TEX14: variants seen among roughly 807,000 people sequenced by gnomAD.
TEX14 encodes the protein testis expressed 14, intercellular bridge forming factor.
TEX14 carries 168 observed loss-of-function variants against 178.6 expected under a neutral mutation model. The observed-to-expected ratio is 0.94, with a 90% confidence interval of 0.83 to 1.07. The LOEUF (loss-of-function observed/expected upper bound fraction) is 1.07, where lower values mean the gene tolerates loss of function less well. Among genes scored for constraint, TEX14 ranks in the 50% least tolerant of loss-of-function variants. The pLI is 0.00. For missense variants in TEX14, 1,730 were observed against 1,753.6 expected (o/e 0.99, Z 0.24); for synonymous variants, 626 against 634.1 (o/e 0.99, Z 0.19).
intron 4 of TEX14, among the ~76,000 whole-genome samples, chr17:58,622,019 C>G (rs563300006): frequency 6.6e-6 from 1 of 152,176 alleles, no homozygotes; most frequent in Admixed American, 6.5e-5. Context: ...AAGGCCAAGA[C>G]GAGTAAAATT....
chr17:58,599,278 A>G lies in TEX14; in HGVS notation c.2067T>C (p.Ser689=), dbSNP rs2144469882. The change falls in exon 14 of 32, where the codon TCT becomes TCC. Residue 689 remains serine, a synonymous_variant. Coordinates refer to ENST00000349033, the MANE Select transcript of TEX14 (RefSeq NM_031272.5). ...CGTTTTGCCAGTCCCAGTCATCAAA[A>G]GAGTACTCTGTCTCAGCTTTTGAAG... ...ESSSKAETEY[S]FDDWDWQNGS... 1.9e-6 allele frequency: 3 copies of G among 1,613,438 alleles called. No individual in the cohort carries two copies. In the East Asian group the frequency reaches 6.7e-5, roughly 36 times the overall value.
rs572194773 is a variant in TEX14 at position 58,649,019 on chromosome 17, C to T, written c.136+2847G>A. ...GTCTCGATCTCCTGACCTCGTGATC[C>T]GCTCGCCTCGGTCTCCCAAAGTGCT... On this transcript the variant is annotated intron_variant, in intron 2 of 31. Coordinates refer to ENST00000349033, the MANE Select transcript of TEX14 (RefSeq NM_031272.5). Among the ~76,000 whole-genome samples, 60 of 150,796 alleles carry T rather than the reference C, an allele frequency of 4.0e-4. No homozygotes were observed. In the South Asian group the frequency reaches 0.012, roughly 30 times the overall value.
At chr17:58,559,640 C>CAAA in intron 29 of TEX14, 78 bp from the exon 30 acceptor site, 1 of 702,070 alleles carries the variant, frequency 1.4e-6, no homozygotes. Flanking sequence ...AAACAAAAAA[C>CAAA]AAACAACAAC....
chr17:58,601,858 T>C lies in TEX14; in HGVS notation c.1626A>G (p.Ser542=). 11 of 1,613,522 alleles carry C rather than the reference T, an allele frequency of 6.8e-6. No individual in the cohort carries two copies. Among genetic ancestry groups the C allele is most frequent in the Non-Finnish European group, 9.3e-6 (11 of 1,180,006 alleles). The change falls in exon 13 of 32, where the codon TCA becomes TCG. Residue 542 remains serine, a synonymous_variant. Coordinates refer to ENST00000349033, the MANE Select transcript of TEX14 (RefSeq NM_031272.5). ...PDVNVYLGLT[S]EHPRETPDME... ...TGTCAGGTGTCTCTCTGGGGTGTTC[T>C]GAAGTCAGTCCTAGATAGACATTGA... is the stretch of plus-strand genomic sequence containing the variant.
In TEX14 at chr17:58,601,891, A is replaced by G; in HGVS notation, c.1593T>C (p.His531=). 6.2e-6 allele frequency: 10 copies of G among 1,613,320 alleles called. No homozygotes were observed. Among genetic ancestry groups the G allele is most frequent in the Non-Finnish European group, 8.5e-6 (10 of 1,179,952 alleles). Residue 531 remains histidine (H), a synonymous_variant, in exon 13 of 32, where the codon CAT becomes CAC. Coordinates refer to ENST00000349033, the MANE Select transcript of TEX14 (RefSeq NM_031272.5). ...GTCCTAGATAGACATTGACATCGGG[A>G]TGGAGTCCGTATCTCTGCACTCTGG... is the stretch of plus-strand genomic sequence containing the variant. ...ESPRVQRYGL[H]PDVNVYLGLT...
chr17:58,691,457 A>C (rs1420189966), intron 1 of TEX14, among the ~76,000 whole-genome samples: 1 of 151,674 alleles, frequency 6.6e-6, no homozygotes, highest in Non-Finnish European at 1.5e-5. Context: ...TCACGAGGTC[A>C]GGAGTTCGAG....
chr17:58,602,503 G>C lies in TEX14; in HGVS notation c.1424C>G (p.Pro475Arg). 1 of 1,613,894 alleles carries C rather than the reference G, an allele frequency of 6.2e-7. No individual in the cohort carries two copies. The highest frequency in any genetic ancestry group is 1.1e-5 in the South Asian group (1 of 91,056). The change falls in exon 12 of 32, where the codon CCG (proline) becomes CGG (arginine). Residue 475 changes from proline to arginine, a missense_variant. Transcript: ENST00000349033. ...CTTAACAATATCATAGTAAGGTTTC[G>C]GAAGCCTGACATCAGCTTCTAAATA... The part of the protein sequence containing the change: ...GNYLEADVRL[P>R]KPYYDIVKSG...
At chr17:58,686,776 C>T (rs1273978705) in intron 1 of TEX14, among the ~76,000 whole-genome samples, 1 of 150,750 alleles carries the variant, frequency 6.6e-6, no homozygotes, top group Non-Finnish European at 1.5e-5. Flanking sequence ...AAAGCTATGC[C>T]TTTATTCAGA....
At chr17:58,630,366 C>T in intron 3 of TEX14, 74 bp downstream of exon 3, 9 of 1,214,678 alleles carry the variant, frequency 7.4e-6, no homozygotes, top group Non-Finnish European at 1.1e-5. Context: ...AAACGTTTTT[C>T]TAATTAGTTT....
chr17:58,650,448 C>T (rs146525253), intron 2 of TEX14, among the ~76,000 whole-genome samples: 120 of 152,198 alleles, frequency 7.9e-4, no homozygotes, highest in African/African-American at 2.7e-3. Context: ...AACCCAGGAC[C>T]TTTCACATAA....
intron 1 of TEX14, chr17:58,661,516 G>C: frequency 1.3e-6 from 1 of 779,960 alleles, no homozygotes; most frequent in Non-Finnish European, 2.4e-6. Flanking sequence ...TCGCTCCTTC[G>C]ACTTCGTCCA....
At chr17:58,657,451 G>C (rs893320654) in intron 1 of TEX14, among the ~76,000 whole-genome samples, 2 of 141,922 alleles carry the variant, frequency 1.4e-5, no homozygotes, top group African/African-American at 5.2e-5. Flanking sequence ...ACTGGTGTTT[G>C]TGTCTTTGTC....
intron 28 of TEX14, among the ~76,000 whole-genome samples, chr17:58,562,547 C>G (rs1315669862): frequency 6.6e-6 from 1 of 152,084 alleles, no homozygotes; most frequent in African/African-American, 2.4e-5. Flanking sequence ...CTCTGTCGCC[C>G]AGGCTGGAGT....
chr17:58,626,495 T>C (rs900063357), intron 3 of TEX14, among the ~76,000 whole-genome samples: 2 of 140,806 alleles, frequency 1.4e-5, no homozygotes, highest in Non-Finnish European at 3.0e-5. Flanking sequence ...GCTGGAACCC[T>C]GTAGGCAGAG....
chr17:58,611,162 T>C lies in TEX14; in HGVS notation c.1183A>G (p.Ser395Gly). 1 of 1,612,666 alleles carries C rather than the reference T, an allele frequency of 6.2e-7. No homozygotes were observed. Among genetic ancestry groups the C allele is most frequent in the East Asian group, 2.2e-5 (1 of 44,870 alleles). ...AGTCCCACTCCATGTTATGCCCACC[T>C]TTCCAACATGTACTCCAGGTTGGTC... is the stretch of plus-strand genomic sequence containing the variant. Reference protein sequence around the residue: ...RLTNLEYMLESEDRGVQRDLT... With the variant: ...RLTNLEYMLEGEDRGVQRDLT... The change falls in exon 10 of 32, where the codon AGC (serine) becomes GGC (glycine). Residue 395 changes from serine to glycine, a missense_variant and splice_region_variant. Ser to Gly is a moderately conservative substitution (Grantham distance 56, BLOSUM62 0). Transcript: ENST00000349033.
chr17:58,691,644 G>A (rs1011276735), intron 1 of TEX14, among the ~76,000 whole-genome samples: 1 of 125,178 alleles, frequency 8.0e-6, no homozygotes, highest in Non-Finnish European at 1.6e-5. Flanking sequence ...TCCATCATGG[G>A]CAACACAGTG....
chr17:58,679,379 G>A (rs2047451736), intron 1 of TEX14: 1 of 152,020 alleles, frequency 6.6e-6, no homozygotes, highest in Admixed American at 6.6e-5. Context: ...AACCACGAGG[G>A]GTGTGAGACC....
At chr17:58,610,224 C>G (rs1261047676) in intron 10 of TEX14, among the ~76,000 whole-genome samples, 2 of 152,222 alleles carry the variant, frequency 1.3e-5, no homozygotes, top group Admixed American at 6.5e-5. Context: ...CCATATCTAT[C>G]CAGGCCAGTG....
intron 14 of TEX14, 21 bp downstream of exon 14, chr17:58,598,855 T>TC: frequency 6.4e-7 from 1 of 1,558,778 alleles, no homozygotes; most frequent in Non-Finnish European, 8.7e-7. Flanking sequence ...TGCCAAAATG[T>TC]CCCCCTTGAA....
Sources: allele counts gnomAD v4.1 joint callset (sites outside exome capture counted in the v4.1 genomes callset), GRCh38; gene constraint gnomAD v4.1.1; transcripts MANE v1.5; gene names NCBI Gene and HGNC (gene_info 2026-07-23, HGNC 2026-07-21).